CUL3: variants seen among roughly 807,000 people sequenced by gnomAD.
The protein encoded by CUL3 is cullin-3.
CUL3 carries 19 observed loss-of-function variants against 89.1 expected under a neutral mutation model. The ratio of observed to expected loss-of-function variants is 0.21; its 90% CI spans 0.15 to 0.31. The LOEUF (loss-of-function observed/expected upper bound fraction) is 0.31. Among genes scored for constraint, CUL3 ranks in the 10% least tolerant of loss-of-function variants. CUL3 has a pLI of 1.00. For synonymous variants in CUL3, 351 were observed against 308.4 expected (o/e 1.14, Z -1.45); for missense variants, 469 against 942.3 (o/e 0.50, Z 6.58).
At chr2:224,578,905 T>A (rs1001460879) in intron 1 of CUL3, among the ~76,000 whole-genome samples, 1 of 152,202 alleles carries the variant, frequency 6.6e-6, no homozygotes, top group Non-Finnish European at 1.5e-5. Flanking sequence ...ATAATCTTCC[T>A]GAACTGGACA....
In CUL3 at chr2:224,552,340, T is replaced by C. The variant is rs74515260; in HGVS notation, c.264+5319A>G. Among the ~76,000 whole-genome samples the C allele has an allele frequency of 1.9e-4, 29 of 152,362 alleles. No homozygotes were observed. In the East Asian group the frequency reaches 5.4e-3, roughly 28 times the overall value. ...GAGGTACAAAGGCCACATTACACCC[T>C]AAATTTTGCCTTGTGGTCTTGAGAA... On this transcript the variant is annotated intron_variant, in intron 2 of 15. Transcript: ENST00000264414.
rs1242278142 is a variant in CUL3 at position 224,472,382 on chromosome 2, C to G, written c.*1863G>C. The G allele has an allele frequency of 4.8e-6, 1 of 208,224 alleles. No homozygotes were observed. The highest frequency in any genetic ancestry group is 9.8e-6 in the Non-Finnish European group (1 of 102,536). 12.9% of individuals were successfully genotyped at this position (208,224 alleles called of 1,614,324 possible). ...CGACAATCTGAGCTGTCCTGTTTTCCCAGGTGTTAAATATCATTTAACTGG... is the reference window on the plus strand; with the variant it reads ...CGACAATCTGAGCTGTCCTGTTTTCGCAGGTGTTAAATATCATTTAACTGG... On this transcript the variant is annotated 3_prime_UTR_variant, in exon 16 of 16. Coordinates refer to ENST00000264414, the MANE Select transcript of CUL3 (RefSeq NM_003590.5).
In CUL3 at chr2:224,505,948, C is replaced by A; in HGVS notation, c.1206+8G>T. The stretch of plus-strand genomic sequence containing the variant: ...TTAAATGTTATTTTCAAATGCATTA[C>A]TACTTACCCCTTTGACTCCCTTTTT... On this transcript the variant is annotated splice_region_variant and intron_variant, in intron 8 of 15. Coordinates refer to ENST00000264414, the MANE Select transcript of CUL3 (RefSeq NM_003590.5). 6.5e-7 allele frequency: 1 copy of A among 1,531,412 alleles called. No homozygotes were observed. The highest frequency in any genetic ancestry group is 8.9e-7 in the Non-Finnish European group (1 of 1,124,056). 94.9% of individuals were successfully genotyped at this position (1,531,412 alleles called of 1,614,324 possible).
At chr2:224,549,572 G>A (rs1694433846) in intron 2 of CUL3, among the ~76,000 whole-genome samples, 1 of 152,090 alleles carries the variant, frequency 6.6e-6, no homozygotes, top group African/African-American at 2.4e-5. Context: ...AAGTACCAAT[G>A]CTCAGTTCTA....
At chr2:224,522,746 T>C (rs142205708) in intron 3 of CUL3, among the ~76,000 whole-genome samples, 2,218 of 151,498 alleles carry the variant, frequency 0.015, 15 homozygotes, top group Non-Finnish European at 0.023. Flanking sequence ...GAGAATGATA[T>C]GAACCCGGGA....
Position 224,481,875 on chromosome 2 carries a change from A to C in CUL3, c.2029+17T>G. 7.0e-7 allele frequency: 1 copy of C among 1,428,982 alleles called. No individual in the cohort carries two copies. The highest frequency in any genetic ancestry group is 9.2e-7 in the Non-Finnish European group (1 of 1,084,082). The allele number at this position is 1,428,982 out of a possible 1,614,324, so 88.5% of individuals were successfully genotyped here. Reference sequence around the variant, plus strand: ...AAATATATAATTTTTTGAGAGGAAAAATATAATTCCAGATACCTGTTTGAA... The same window carrying C: ...AAATATATAATTTTTTGAGAGGAAACATATAATTCCAGATACCTGTTTGAA... On this transcript the variant is annotated intron_variant, in intron 14 of 15. Transcript: ENST00000264414.
chr2:224,581,421 G>A (rs1230615716), intron 1 of CUL3, among the ~76,000 whole-genome samples: 1 of 150,540 alleles, frequency 6.6e-6, no homozygotes, highest in Non-Finnish European at 1.5e-5. Context: ...AGGTGATTAT[G>A]TGTTAGCTTG....
chr2:224,510,870 C>G (rs1692798368), intron 6 of CUL3, among the ~76,000 whole-genome samples: 1 of 152,196 alleles, frequency 6.6e-6, no homozygotes, highest in Non-Finnish European at 1.5e-5. Flanking sequence ...TCTAATTTAT[C>G]TAAGTATGTC....
intron 3 of CUL3, among the ~76,000 whole-genome samples, chr2:224,527,324 G>A (rs999864998): frequency 3.9e-5 from 6 of 152,098 alleles, no homozygotes; most frequent in Non-Finnish European, 8.8e-5. Context: ...ACTTTTTAAA[G>A]AGCTAAAATC....
At chr2:224,479,250 T>C (rs1222281074) in intron 14 of CUL3, 1 of 152,072 alleles carries the variant, frequency 6.6e-6, no homozygotes, top group Non-Finnish European at 1.5e-5. Flanking sequence ...ATTTAGAAGA[T>C]CATTCTGGTG....
intron 1 of CUL3, chr2:224,563,180 T>C: frequency 2.2e-6 from 1 of 462,134 alleles, no homozygotes; most frequent in South Asian, 1.6e-5. Context: ...AGAATAACAC[T>C]ATGATAAATG....
At position 224,471,603 on chromosome 2, in the gene CUL3, C is replaced by G. The variant is rs576254295; in HGVS notation, c.*2642G>C. ...TAATTACAATGCTACACAGGTGACT[C>G]TAGCATACCTTTAGAAAGGCATGCA... On this transcript the variant is annotated 3_prime_UTR_variant, in exon 16 of 16. Transcript: ENST00000264414. 12 of 206,192 alleles carry G rather than the reference C, an allele frequency of 5.8e-5. No homozygotes were observed. The East Asian group carries it at 8.2e-4, about 14-fold the overall frequency. The allele number at this position is 206,192 out of a possible 1,614,324, so 12.8% of individuals were successfully genotyped here. A position where few individuals can be genotyped will look rare whatever the true frequency, so the allele number is the denominator to read the frequency against.
At chr2:224,495,535 A>G in intron 13 of CUL3, 1 of 200,652 alleles carries the variant, frequency 5.0e-6, no homozygotes, top group Non-Finnish European at 1.0e-5. Context: ...AATGCTCTGT[A>G]TTTTCGGGCA....
intron 13 of CUL3, among the ~76,000 whole-genome samples, chr2:224,487,443 CAAAAAAA>C (rs530054431): frequency 1.1e-4 from 3 of 28,062 alleles, no homozygotes; most frequent in Non-Finnish European, 1.7e-4. Flanking sequence ...CCGCCCCCCC[CAAAAAAA>C]AAAAAAAAAA....
chr2:224,470,603 C>T lies in CUL3; in HGVS notation c.*3642G>A, dbSNP rs991671820. 6 of 231,786 alleles carry T rather than the reference C, an allele frequency of 2.6e-5. No individual in the cohort carries two copies. Among genetic ancestry groups the T allele is most frequent in the Non-Finnish European group, 4.3e-5 (5 of 117,272 alleles). The allele number at this position is 231,786 out of a possible 1,614,324, so 14.4% of individuals were successfully genotyped here. A position where few individuals can be genotyped will look rare whatever the true frequency, so the allele number is the denominator to read the frequency against. ...GTAGATTTGAATTTAAGGTACATGC[C>T]TATCTGTGGTACCCACTTAAGTATG... is the stretch of plus-strand genomic sequence containing the variant. On this transcript the variant is annotated 3_prime_UTR_variant, in exon 16 of 16. Coordinates refer to ENST00000264414, the MANE Select transcript of CUL3 (RefSeq NM_003590.5).
At chr2:224,501,421 A>C (rs1692384396) in intron 10 of CUL3, among the ~76,000 whole-genome samples, 1 of 152,232 alleles carries the variant, frequency 6.6e-6, no homozygotes, top group Admixed American at 6.5e-5. Context: ...TAAACAAATT[A>C]AATTTTTAAG....
chr2:224,489,430 G>A (rs765882324), intron 13 of CUL3, among the ~76,000 whole-genome samples: 6 of 152,196 alleles, frequency 3.9e-5, no homozygotes, highest in Non-Finnish European at 8.8e-5. Context: ...AAATCAATGT[G>A]CAGAAATCAC....
At chr2:224,571,856 A>G (rs986417020) in intron 1 of CUL3, among the ~76,000 whole-genome samples, 2 of 152,198 alleles carry the variant, frequency 1.3e-5, no homozygotes, top group Non-Finnish European at 2.9e-5. Flanking sequence ...TATAAACACA[A>G]TTGTCTTTTA....
chr2:224,571,518 G>A (rs1171206337), intron 1 of CUL3, among the ~76,000 whole-genome samples: 2 of 152,200 alleles, frequency 1.3e-5, no homozygotes, highest in East Asian at 1.9e-4. Context: ...ATACCGAACT[G>A]CCATAGTTTG....
Sources: allele counts gnomAD v4.1 joint callset (sites outside exome capture counted in the v4.1 genomes callset), GRCh38; gene constraint gnomAD v4.1.1; transcripts MANE v1.5; gene names NCBI Gene and HGNC (gene_info 2026-07-23, HGNC 2026-07-21).